SULT1C3: variants seen among roughly 807,000 people sequenced by gnomAD.
The protein encoded by SULT1C3 is sulfotransferase family 1C member 3.
A neutral mutation model predicts 28.4 loss-of-function variants in SULT1C3; 31 were observed. That is an observed-to-expected ratio of 1.09 (90% CI 0.82 to 1.47). The LOEUF is 1.47. SULT1C3 is among the 40% of genes most tolerant of loss of function. The pLI, the probability that SULT1C3 is intolerant of heterozygous loss-of-function variation, is 0.00. For synonymous variants in SULT1C3, 106 were observed against 92.2 expected (o/e 1.15, Z -0.86); for missense variants, 307 against 272.5 (o/e 1.13, Z -0.89).
At chr2:108,242,187 T>C (rs991936589) in intron 1 of SULT1C3, among the ~76,000 whole-genome samples, 20 of 152,214 alleles carry the variant, frequency 1.3e-4, no homozygotes, top group Non-Finnish European at 2.6e-4. Flanking sequence ...CCAATAATTC[T>C]TAAGAGTATT....
intron 5 of SULT1C3, among the ~76,000 whole-genome samples, chr2:108,256,117 C>T (rs1180085279): frequency 3.9e-5 from 6 of 151,984 alleles, no homozygotes; most frequent in Admixed American, 1.3e-4. Flanking sequence ...CAGCCTTTCC[C>T]GTAGGTCACA....
chr2:108,258,031 T>A (rs1675921339), intron 5 of SULT1C3, among the ~76,000 whole-genome samples: 1 of 152,098 alleles, frequency 6.6e-6, no homozygotes, highest in Admixed American at 6.6e-5. Context: ...GAGAATGTTT[T>A]CCATCATCCT....
intron 3 of SULT1C3, 50 bp downstream of exon 3, chr2:108,252,543 A>G: frequency 6.2e-7 from 1 of 1,604,812 alleles, no homozygotes; most frequent in South Asian, 1.1e-5. Context: ...AGGATTCCAG[A>G]GCAATGTGTA....
chr2:108,263,132 C>T (rs1676060318), downstream of SULT1C3, among the ~76,000 whole-genome samples: 1 of 152,136 alleles, frequency 6.6e-6, no homozygotes, highest in Non-Finnish European at 1.5e-5. Flanking sequence ...TGTTAAACTA[C>T]TGAGGTTTGG....
downstream of SULT1C3, among the ~76,000 whole-genome samples, chr2:108,263,488 A>T (rs1676068143): frequency 6.6e-6 from 1 of 152,130 alleles, no homozygotes; most frequent in Non-Finnish European, 1.5e-5. Flanking sequence ...TTATCATGAG[A>T]ATTGTAGGGA....
chr2:108,249,226 C>T (rs536482958), intron 2 of SULT1C3, among the ~76,000 whole-genome samples: 263 of 152,102 alleles, frequency 1.7e-3, no homozygotes, highest in African/African-American at 6.2e-3. Flanking sequence ...GTTGTTTTAA[C>T]TCATGAAGCT....
At chr2:108,261,998 A>G (rs1676036219), downstream of SULT1C3, among the ~76,000 whole-genome samples, 2 of 152,242 alleles carry the variant, frequency 1.3e-5, no homozygotes, top group Admixed American at 1.3e-4. Context: ...ACCAGCCCAG[A>G]GGGGACCCTG....
downstream of SULT1C3, among the ~76,000 whole-genome samples, chr2:108,262,196 C>T (rs1676039719): frequency 1.3e-5 from 2 of 152,104 alleles, no homozygotes; most frequent in African/African-American, 4.8e-5. Context: ...CACTGGAAGA[C>T]TGGTTCACAG....
intron 2 of SULT1C3, among the ~76,000 whole-genome samples, chr2:108,247,592 A>G (rs76934993): frequency 0.037 from 5,609 of 152,216 alleles, 308 homozygotes; most frequent in African/African-American, 0.12. Context: ...CTTTGGTAGT[A>G]GGGCAGATAA....
intron 1 of SULT1C3, among the ~76,000 whole-genome samples, chr2:108,246,770 G>A (rs559728042): frequency 4.6e-5 from 7 of 152,070 alleles, no homozygotes; most frequent in Non-Finnish European, 2.9e-5. Context: ...TAATTGTCTC[G>A]CTTCTAATTA....
chr2:108,251,007 G>A (rs1675714181), intron 2 of SULT1C3, among the ~76,000 whole-genome samples: 1 of 151,848 alleles, frequency 6.6e-6, no homozygotes, highest in Non-Finnish European at 1.5e-5. Flanking sequence ...ATTTATAACA[G>A]GTTCATTCTA....
chr2:108,257,851 T>C (rs1463343842), intron 5 of SULT1C3, among the ~76,000 whole-genome samples: 1 of 152,068 alleles, frequency 6.6e-6, no homozygotes, highest in Non-Finnish European at 1.5e-5. Flanking sequence ...AATGTATTCT[T>C]TGGATTTGCC....
chr2:108,248,525 A>G (rs1274280146), intron 2 of SULT1C3, among the ~76,000 whole-genome samples: 1 of 152,128 alleles, frequency 6.6e-6, no homozygotes, highest in Non-Finnish European at 1.5e-5. Context: ...TTTGCAGGTA[A>G]GAGTACCAGA....
downstream of SULT1C3, chr2:108,265,167 G>T: frequency 6.8e-7 from 1 of 1,467,878 alleles, no homozygotes; most frequent in South Asian, 1.3e-5. Context: ...CATTCTTGGT[G>T]GGGTCCTAAG....
At chr2:108,240,799 T>C (rs1675444836) in intron 1 of SULT1C3, among the ~76,000 whole-genome samples, 1 of 152,218 alleles carries the variant, frequency 6.6e-6, no homozygotes, top group South Asian at 2.1e-4. Flanking sequence ...AATTTCTCTC[T>C]CCAGTACTCA....
chr2:108,245,613 G>A (rs961807000), intron 1 of SULT1C3, among the ~76,000 whole-genome samples: 18 of 152,080 alleles, frequency 1.2e-4, no homozygotes, highest in African/African-American at 4.1e-4. Flanking sequence ...TAGGAAGCAG[G>A]GTAACAAGAC....
At position 108,258,961 on chromosome 2, in the gene SULT1C3, A is replaced by T. The variant is rs1262084741; in HGVS notation, c.622-5A>T. The T allele has an allele frequency of 1.4e-6, 1 of 712,572 alleles. No homozygotes were observed. The highest frequency in any genetic ancestry group is 1.7e-5 in the South Asian group (1 of 59,762). The allele number at this position is 712,572 out of a possible 1,614,324, so 44.1% of individuals were successfully genotyped here. A position where few individuals can be genotyped will look rare whatever the true frequency, so the allele number is the denominator to read the frequency against. On this transcript the variant is annotated splice_polypyrimidine_tract_variant and splice_region_variant and intron_variant, in intron 6 of 7. Coordinates refer to ENST00000681802, the MANE Select transcript of SULT1C3 (RefSeq NM_001320878.2). ...CTTCACAATGCCTTTTTCTCCCATGATCAGAATCCAAAACATGAGATCCAC... is the reference window on the plus strand; with the variant it reads ...CTTCACAATGCCTTTTTCTCCCATGTTCAGAATCCAAAACATGAGATCCAC...
chr2:108,249,109 C>T (rs902496597), intron 2 of SULT1C3, among the ~76,000 whole-genome samples: 1 of 152,048 alleles, frequency 6.6e-6, no homozygotes, highest in African/African-American at 2.4e-5. Context: ...ATGAGAATGG[C>T]AGCCCTAGCT....
intron 6 of SULT1C3, 55 bp downstream of exon 6, chr2:108,258,883 TTC>T: frequency 7.1e-7 from 1 of 1,414,624 alleles, no homozygotes; most frequent in South Asian, 1.2e-5. Context: ...GACAATGTTA[TTC>T]TGTTAAAAAG....
Sources: gnomAD v4.1 joint callset for allele counts (sites outside exome capture counted in the v4.1 genomes callset) on GRCh38, gnomAD v4.1.1 for gene constraint, MANE v1.5 for transcripts, NCBI Gene and HGNC (gene_info 2026-07-23, HGNC 2026-07-21) for gene names.